Variants in PCDHGA4 observed in about 807,000 individuals in gnomAD.
The protein encoded by PCDHGA4 is protocadherin gamma subfamily A, 4.
A neutral mutation model predicts 54.6 loss-of-function variants in PCDHGA4; 38 were observed. The observed-to-expected ratio is 0.70, with a 90% CI of 0.54 to 0.91. The LOEUF is 0.91. Ranked by LOEUF, PCDHGA4 falls within the 40% of genes least tolerant of loss-of-function variation. The pLI is 0.00. For missense variants in PCDHGA4, 1,298 were observed against 1,220.9 expected (o/e 1.06, Z -0.94); for synonymous variants, 511 against 512.9 (o/e 1.00, Z 0.05).
chr5:141,377,469 A>G (rs6896353), intron 1 of PCDHGA4: 23,351 of 151,970 alleles, frequency 0.15, 2,565 homozygotes, highest in African/African-American at 0.32. Context: ...TGTGGCGTAC[A>G]CCTGTAGTCC....
intron 1 of PCDHGA4, chr5:141,394,168 T>A (rs1291860578): frequency 1.7e-5 from 27 of 1,613,634 alleles, no homozygotes; most frequent in Non-Finnish European, 2.2e-5. Flanking sequence ...CCTCCTACTT[T>A]CCCTCATGCC....
chr5:141,423,877 C>A, intron 1 of PCDHGA4: 1 of 1,283,890 alleles, frequency 7.8e-7, no homozygotes, highest in Non-Finnish European at 9.9e-7. Flanking sequence ...ATTTTTCAAT[C>A]TTGGCATATT....
intron 1 of PCDHGA4, chr5:141,376,347 A>G (rs1218451115): frequency 6.2e-7 from 1 of 1,614,056 alleles, no homozygotes; most frequent in Non-Finnish European, 8.5e-7. Flanking sequence ...ACCTATTCCC[A>G]CGAGGTCTCA....
Position 141,489,375 on chromosome 5 carries a change from G to C in PCDHGA4, c.2515-5432G>C. On this transcript the variant is annotated intron_variant, in intron 1 of 3. Coordinates refer to ENST00000571252, the MANE Select transcript of PCDHGA4 (RefSeq NM_018917.4). The surrounding 1 kb of genome is among the most constrained non-coding windows in gnomAD (Gnocchi z 4.5). ...AGGAGTCTGAGCCGGGGACGCTGGT[G>C]GGGAATGTTGCTCAGGATCTGGGCT... 1 of 1,613,826 alleles carries C rather than the reference G, an allele frequency of 6.2e-7. No homozygotes were observed.
rs1007767889 is a variant in PCDHGA4, at chr5:141,360,273, C to G, written c.2514+2652C>G. On this transcript the variant is annotated intron_variant, in intron 1 of 3. Coordinates refer to ENST00000571252, the MANE Select transcript of PCDHGA4 (RefSeq NM_018917.4). Reference sequence around the variant, plus strand: ...CAGAGGAGCTGGCCAAAAACTCGGTCGTAGGAAACCTCGCCAAGGATCTGG... The same window carrying G: ...CAGAGGAGCTGGCCAAAAACTCGGTGGTAGGAAACCTCGCCAAGGATCTGG... 6.8e-6 allele frequency: 11 copies of G among 1,613,778 alleles called. No individual in the cohort carries two copies. The Admixed American group carries it at 8.3e-5, about 12-fold the overall frequency.
In PCDHGA4 at chr5:141,476,477, G is replaced by T. The variant is rs768824553; in HGVS notation, c.2515-18330G>T. The T allele has an allele frequency of 1.9e-6, 3 of 1,614,078 alleles. No homozygotes were observed. The highest frequency in any genetic ancestry group is 1.7e-5 in the Admixed American group (1 of 60,016). Reference sequence around the variant, plus strand: ...GGAGAACCCGCTGGAGCTGTTCAGCGTGGAAGTGGTGATCCAGGACATCAA... The same window carrying T: ...GGAGAACCCGCTGGAGCTGTTCAGCTTGGAAGTGGTGATCCAGGACATCAA... On this transcript the variant is annotated intron_variant, in intron 1 of 3. Coordinates refer to ENST00000571252, the MANE Select transcript of PCDHGA4 (RefSeq NM_018917.4). This position sits in a 1 kb window ranked among gnomAD's most constrained non-coding sequence, Gnocchi z 7.6.
chr5:141,371,107 A>G (rs202073589), intron 1 of PCDHGA4: 391 of 1,613,532 alleles, frequency 2.4e-4, no homozygotes, highest in Non-Finnish European at 3.2e-4. Flanking sequence ...GCAAATGATA[A>G]CCCCCCAGTA....
At chr5:141,458,820 C>T (rs2098954225) in intron 1 of PCDHGA4, among the ~76,000 whole-genome samples, 1 of 152,070 alleles carries the variant, frequency 6.6e-6, no homozygotes, top group African/African-American at 2.4e-5. Flanking sequence ...GCAACCTCTG[C>T]CTCCCAGGCT....
chr5:141,490,796 A>G lies in PCDHGA4; in HGVS notation c.2515-4011A>G. ...CCAGAGGATGGACGGATCTTTGCCC[A>G]GCGTACCTTTGACTATGAATTGCTG... On this transcript the variant is annotated intron_variant, in intron 1 of 3. Coordinates refer to ENST00000571252, the MANE Select transcript of PCDHGA4 (RefSeq NM_018917.4). The surrounding 1 kb of genome is among the most constrained non-coding windows in gnomAD (Gnocchi z 5.4). The G allele has an allele frequency of 6.2e-7, 1 of 1,613,978 alleles. No individual in the cohort carries two copies. The highest frequency in any genetic ancestry group is 8.5e-7 in the Non-Finnish European group (1 of 1,179,904).
In PCDHGA4 at chr5:141,389,513, C is replaced by A. The variant is rs749432491; in HGVS notation, c.2514+31892C>A. 2.5e-6 allele frequency: 4 copies of A among 1,613,038 alleles called. No homozygotes were observed. The Admixed American group carries it at 5.0e-5, about 20-fold the overall frequency. On this transcript the variant is annotated intron_variant, in intron 1 of 3. Coordinates refer to ENST00000571252, the MANE Select transcript of PCDHGA4 (RefSeq NM_018917.4). ...AGGGCTCGCCAGCGCTCAGCGCGAACGTGAGCCTGCGCGTGTTAGTGGACG... is the reference window on the plus strand; with the variant it reads ...AGGGCTCGCCAGCGCTCAGCGCGAAAGTGAGCCTGCGCGTGTTAGTGGACG...
Position 141,383,518 on chromosome 5 carries a change from G to A in PCDHGA4, c.2514+25897G>A, listed in dbSNP as rs1286743255. The A allele has an allele frequency of 2.5e-6, 4 of 1,612,554 alleles. 1 individual carries two copies. The highest frequency in any genetic ancestry group is 2.2e-5 in the South Asian group (2 of 90,928). On this transcript the variant is annotated intron_variant, in intron 1 of 3. Coordinates refer to ENST00000571252, the MANE Select transcript of PCDHGA4 (RefSeq NM_018917.4). The stretch of plus-strand genomic sequence containing the variant: ...GGTGCTGGACCGGGAGGAAGAGCGG[G>A]TTCACCACCTGGTCCTCACAGCCTC...
rs780024608 is a variant in PCDHGA4, at chr5:141,376,291, C to T, written c.2514+18670C>T. Reference sequence around the variant, plus strand: ...CGGGAGGTGGCTTAGCGAGCATGCCCGGCTCGCACTTTGTGGGCGTGGAAG... The same window carrying T: ...CGGGAGGTGGCTTAGCGAGCATGCCTGGCTCGCACTTTGTGGGCGTGGAAG... On this transcript the variant is annotated intron_variant, in intron 1 of 3. Coordinates refer to ENST00000571252, the MANE Select transcript of PCDHGA4 (RefSeq NM_018917.4). 8 of 1,614,158 alleles carry T rather than the reference C, an allele frequency of 5.0e-6. No homozygotes were observed. The East Asian group carries it at 6.7e-5, about 13-fold the overall frequency.
chr5:141,409,711 A>T (rs768917889), intron 1 of PCDHGA4: 1 of 1,613,204 alleles, frequency 6.2e-7, no homozygotes, highest in Non-Finnish European at 8.5e-7. Flanking sequence ...CGGTGTCGTC[A>T]TACGTGTCAG....
At chr5:141,452,751 A>C (rs1592230802) in intron 1 of PCDHGA4, among the ~76,000 whole-genome samples, 1 of 152,094 alleles carries the variant, frequency 6.6e-6, no homozygotes, top group South Asian at 2.1e-4. Context: ...AGAAGGAAGA[A>C]GGAAGGGAGG....
chr5:141,492,111 C>T (rs2154587044), intron 1 of PCDHGA4, among the ~76,000 whole-genome samples: 1 of 152,320 alleles, frequency 6.6e-6, no homozygotes, highest in South Asian at 2.1e-4. Context: ...ATTTCCTCTT[C>T]GATTTCTCCC....
intron 1 of PCDHGA4, chr5:141,428,308 G>A (rs2097132099): frequency 1.5e-6 from 1 of 685,734 alleles, no homozygotes; most frequent in Non-Finnish European, 2.6e-6. Context: ...TTACCTGGTC[G>A]TGGCCTTGGC....
intron 1 of PCDHGA4, chr5:141,365,695 C>T: frequency 6.2e-7 from 1 of 1,613,656 alleles, no homozygotes; most frequent in Non-Finnish European, 8.5e-7. Context: ...TCCCTCAAGC[C>T]TCCTACTCCA....
chr5:141,428,090 G>A (rs1415146154), intron 1 of PCDHGA4: 1 of 1,608,870 alleles, frequency 6.2e-7, no homozygotes, highest in Non-Finnish European at 8.5e-7. Flanking sequence ...ACGCTTGGCT[G>A]TCCTACCACG....
At chr5:141,413,858 G>A (rs751172785) in intron 1 of PCDHGA4, 28 of 1,613,140 alleles carry the variant, frequency 1.7e-5, no homozygotes, top group African/African-American at 4.0e-5. Context: ...CTCCGATCTG[G>A]CACTGTCCTT....
Sources: allele counts gnomAD v4.1 joint callset (sites outside exome capture counted in the v4.1 genomes callset), GRCh38; gene constraint gnomAD v4.1.1; non-coding constraint Gnocchi (gnomAD v3.1); transcripts MANE v1.5; gene names NCBI Gene and HGNC (gene_info 2026-07-23, HGNC 2026-07-21).